NEGR1: variants seen among roughly 807,000 people sequenced by gnomAD.
The protein encoded by NEGR1 is neuronal growth regulator 1, also known as IgLON family member 4.
A neutral mutation model predicts 40.9 loss-of-function variants in NEGR1; 10 were observed. That is an observed-to-expected ratio of 0.24 (90% CI 0.15 to 0.42). The LOEUF (loss-of-function observed/expected upper bound fraction) is 0.42. Among genes scored for constraint, NEGR1 ranks in the 10% least tolerant of loss-of-function variants. The pLI, the probability that NEGR1 is intolerant of heterozygous loss-of-function variation, is 1.00. For synonymous variants in NEGR1, 185 were observed against 166.8 expected (o/e 1.11, Z -0.84); for missense variants, 352 against 438.9 (o/e 0.80, Z 1.77).
chr1:72,161,353 T>C (rs1200677866), intron 1 of NEGR1, among the ~76,000 whole-genome samples: 1 of 152,024 alleles, frequency 6.6e-6, no homozygotes, highest in African/African-American at 2.4e-5. Flanking sequence ...AGTTAGCTGG[T>C]ACATTTTACC....
intron 1 of NEGR1, among the ~76,000 whole-genome samples, chr1:72,143,912 A>G (rs953415282): frequency 5.6e-4 from 34 of 61,214 alleles, no homozygotes; most frequent in Admixed American, 1.7e-3. Context: ...TATGATATAT[A>G]TAATATATAT....
intron 4 of NEGR1, among the ~76,000 whole-genome samples, chr1:71,675,537 A>T (rs1334532401): frequency 1.3e-5 from 2 of 151,756 alleles, no homozygotes; most frequent in Non-Finnish European, 2.9e-5. Context: ...TGAGAGAGAG[A>T]GAGAAAGACA....
rs575341368 is a variant in NEGR1, at chr1:72,274,528, C to T, written c.176+7791G>A. 3.6e-5 allele frequency: 25 copies of T among 696,688 alleles called. No individual in the cohort carries two copies. The South Asian group carries it at 3.7e-4, about 10-fold the overall frequency. 43.2% of individuals were successfully genotyped at this position (696,688 alleles called of 1,614,324 possible). A position where few individuals can be genotyped will look rare whatever the true frequency, so the allele number is the denominator to read the frequency against. On this transcript the variant is annotated intron_variant, in intron 1 of 6. Transcript: ENST00000357731. ...TCTCAAGTTGTCTGTATCGGTATCC[C>T]AATGTTTGTTTAAAACTGATCCAAT...
chr1:72,270,954 G>A (rs560506093), intron 1 of NEGR1, among the ~76,000 whole-genome samples: 14 of 151,966 alleles, frequency 9.2e-5, no homozygotes, highest in East Asian at 3.9e-4. Context: ...ATTAGTTAAT[G>A]TACTTTTAGT....
At chr1:71,732,693 A>G (rs1022864802) in intron 3 of NEGR1, among the ~76,000 whole-genome samples, 1 of 152,148 alleles carries the variant, frequency 6.6e-6, no homozygotes, top group Non-Finnish European at 1.5e-5. Context: ...TTATATTACT[A>G]AAAATATAAA....
intron 2 of NEGR1, among the ~76,000 whole-genome samples, chr1:71,920,653 G>T (rs550778834): frequency 9.5e-4 from 145 of 152,268 alleles, no homozygotes; most frequent in Non-Finnish European, 1.4e-3. Flanking sequence ...TTACAACAAT[G>T]CTTAGCACGA....
intron 2 of NEGR1, among the ~76,000 whole-genome samples, chr1:71,819,042 A>G (rs188275791): frequency 1.2e-4 from 19 of 152,106 alleles, no homozygotes; most frequent in Non-Finnish European, 7.4e-5. Flanking sequence ...ATTTTATACA[A>G]AGAAGTCAGC....
chr1:71,485,494 A>G (rs1422913453), intron 6 of NEGR1, among the ~76,000 whole-genome samples: 1 of 151,502 alleles, frequency 6.6e-6, no homozygotes, highest in Non-Finnish European at 1.5e-5. Flanking sequence ...ATTGCACACT[A>G]TCTGGGTTTG....
chr1:72,056,353 A>T (rs984501009), intron 1 of NEGR1, among the ~76,000 whole-genome samples: 1 of 151,334 alleles, frequency 6.6e-6, no homozygotes, highest in Non-Finnish European at 1.5e-5. Flanking sequence ...TTTTTCTGGC[A>T]ATACAAGGAG....
At chr1:71,698,502 T>C (rs1653564355) in intron 3 of NEGR1, among the ~76,000 whole-genome samples, 1 of 151,898 alleles carries the variant, frequency 6.6e-6, no homozygotes, top group Non-Finnish European at 1.5e-5. Flanking sequence ...CATATTGACT[T>C]CTCTACTGTG....
chr1:72,220,578 T>C (rs1570138611), intron 1 of NEGR1, among the ~76,000 whole-genome samples: 1 of 152,222 alleles, frequency 6.6e-6, no homozygotes, highest in South Asian at 2.1e-4. Flanking sequence ...GTAATATGAA[T>C]TGGCCTGAAT....
intron 5 of NEGR1, among the ~76,000 whole-genome samples, chr1:71,608,905 A>C (rs1570100083): frequency 6.6e-6 from 1 of 152,208 alleles, no homozygotes; most frequent in East Asian, 1.9e-4. Context: ...TAAAGGATTC[A>C]GAACCACTTT....
At chr1:71,446,061 A>G (rs915958688) in intron 6 of NEGR1, among the ~76,000 whole-genome samples, 3 of 152,232 alleles carry the variant, frequency 2.0e-5, no homozygotes, top group African/African-American at 4.8e-5. Context: ...AATAGTGAAG[A>G]CATCTCAGAA....
chr1:71,806,860 C>A (rs2101755810), intron 2 of NEGR1, among the ~76,000 whole-genome samples: 1 of 150,620 alleles, frequency 6.6e-6, no homozygotes, highest in East Asian at 1.9e-4. Flanking sequence ...ACCACACAAA[C>A]TTAAGTACTG....
intron 1 of NEGR1, among the ~76,000 whole-genome samples, chr1:72,236,850 T>C (rs759326309): frequency 2.6e-5 from 4 of 152,018 alleles, no homozygotes; most frequent in African/African-American, 7.2e-5. Flanking sequence ...GTTAGGCAGA[T>C]AGAGCTGTTA....
intron 6 of NEGR1, among the ~76,000 whole-genome samples, chr1:71,417,080 C>A (rs559744479): frequency 3.3e-5 from 5 of 152,254 alleles, no homozygotes; most frequent in African/African-American, 1.2e-4. Context: ...TGTAGCTTCC[C>A]TGAATTATTA....
intron 2 of NEGR1, among the ~76,000 whole-genome samples, chr1:71,839,903 G>A (rs1659176685): frequency 2.0e-5 from 3 of 152,086 alleles, no homozygotes; most frequent in African/African-American, 2.4e-5. Flanking sequence ...CATAATTACA[G>A]CTTTACAAAA....
In NEGR1 at chr1:71,986,623, G is replaced by A. The variant is rs578111773; in HGVS notation, c.177-51312C>T. Among the ~76,000 whole-genome samples, 38 of 152,256 alleles carry A rather than the reference G, an allele frequency of 2.5e-4. No homozygotes were observed. In the Middle Eastern group the frequency reaches 0.014, roughly 55 times the overall value. On this transcript the variant is annotated intron_variant, in intron 1 of 6. Coordinates refer to ENST00000357731, the MANE Select transcript of NEGR1 (RefSeq NM_173808.3). ...AGGGTCCCCATGATGTTGGTTAATA[G>A]AATCAAAGTAGTGTAGAAATCAGGT...
intron 1 of NEGR1, among the ~76,000 whole-genome samples, chr1:72,131,042 G>T (rs567975302): frequency 6.6e-6 from 1 of 152,268 alleles, no homozygotes; most frequent in African/African-American, 2.4e-5. Context: ...TGCTCATGTT[G>T]TAAGGTCATA....
Sources: gnomAD v4.1 joint callset for allele counts (sites outside exome capture counted in the v4.1 genomes callset) on GRCh38, gnomAD v4.1.1 for gene constraint, MANE v1.5 for transcripts, NCBI Gene and HGNC (gene_info 2026-07-23, HGNC 2026-07-21) for gene names.